PCDH11X: variants seen among roughly 807,000 people sequenced by gnomAD.
The protein encoded by PCDH11X is protocadherin-11 X-linked.
PCDH11X carries 18 observed loss-of-function variants against 53.3 expected under a neutral mutation model. The observed-to-expected ratio is 0.34, with a 90% CI of 0.23 to 0.50. The LOEUF (loss-of-function observed/expected upper bound fraction) is 0.50, where lower values mean the gene tolerates loss of function less well. Ranked by LOEUF, PCDH11X falls within the 20% of genes least tolerant of loss-of-function variation. The pLI is 0.98. For missense variants in PCDH11X, 570 were observed against 1,032.4 expected, an observed-to-expected ratio of 0.55 and a Z score of 6.14; for synonymous variants, 279 against 393.3, an observed-to-expected ratio of 0.71 and a Z score of 3.44.
intron 7 of PCDH11X, among the ~76,000 whole-genome samples, chrX:92,225,847 A>C (rs1325286521): frequency 1.8e-5 from 2 of 111,891 alleles, no homozygotes; most frequent in Non-Finnish European, 3.8e-5. Flanking sequence ...AGTATGTCCT[A>C]ATCAACAGAG....
intron 1 of PCDH11X, among the ~76,000 whole-genome samples, chrX:91,804,636 T>C (rs1936038038): frequency 9.0e-6 from 1 of 110,898 alleles, no homozygotes; most frequent in African/African-American, 3.3e-5. Flanking sequence ...GAGGGTATAG[T>C]TCAAAGTGTA....
chrX:92,329,193 T>C (rs2069405257), intron 8 of PCDH11X, among the ~76,000 whole-genome samples: 1 of 111,654 alleles, frequency 9.0e-6, no homozygotes, highest in Admixed American at 9.6e-5. Context: ...ATCATATAAG[T>C]ATCTCAATAG....
intron 10 of PCDH11X, among the ~76,000 whole-genome samples, chrX:92,476,267 C>T (rs1323320036): frequency 8.9e-6 from 1 of 111,826 alleles, no homozygotes; most frequent in African/African-American, 3.3e-5. Flanking sequence ...ACTTCTGTTA[C>T]CTTGTAAGTT....
In PCDH11X at chrX:92,506,216, C is replaced by CTTTTTTT. The variant is rs1180678297; in HGVS notation, c.3367+37910_3367+37916dup. Reference sequence around the variant, plus strand: ...ATTTGGATACATTTTCTTTTCTTTTCTTTTTTTTTTTTTTTTTTTTTTGCC... The same window carrying CTTTTTTT: ...ATTTGGATACATTTTCTTTTCTTTTCTTTTTTTTTTTTTTTTTTTTTTTTTTTTTGCC... On this transcript the variant is annotated intron_variant, in intron 10 of 10. Coordinates refer to ENST00000682573, the MANE Select transcript of PCDH11X (RefSeq NM_032968.5). 3.8e-3 allele frequency among the ~76,000 whole-genome samples: 154 copies of CTTTTTTT among 40,177 alleles called. 1 individual carries two copies. Among genetic ancestry groups the CTTTTTTT allele is most frequent in the Middle Eastern group, 0.026 (1 of 38 alleles). 34.9% of individuals were successfully genotyped at this position (40,177 alleles called of 115,157 possible). A position where few individuals can be genotyped will look rare whatever the true frequency, so the allele number is the denominator to read the frequency against.
At chrX:92,135,021 T>C (rs2065060928) in intron 6 of PCDH11X, among the ~76,000 whole-genome samples, 1 of 110,392 alleles carries the variant, frequency 9.1e-6, no homozygotes, top group African/African-American at 3.3e-5. Flanking sequence ...ATGGAGTTGC[T>C]CAGGTTCAAA....
At chrX:92,546,971 G>T (rs776251187) in intron 10 of PCDH11X, among the ~76,000 whole-genome samples, 1 of 110,724 alleles carries the variant, frequency 9.0e-6, no homozygotes, top group Non-Finnish European at 1.9e-5. Context: ...TTTGCAACAC[G>T]CCTTAGCACA....
At chrX:91,936,590 A>C in intron 6 of PCDH11X, among the ~76,000 whole-genome samples, 1 of 106,412 alleles carries the variant, frequency 9.4e-6, no homozygotes, top group East Asian at 2.9e-4. Flanking sequence ...TATAGTTGAG[A>C]ATGGTTCCTT....
intron 10 of PCDH11X, among the ~76,000 whole-genome samples, chrX:92,481,676 TCTC>T (rs1206108908): frequency 9.0e-6 from 1 of 111,395 alleles, no homozygotes; most frequent in African/African-American, 3.3e-5. Flanking sequence ...AGGGATAAAT[TCTC>T]CTATTAGAGC....
At chrX:92,385,798 G>T (rs999091078) in intron 8 of PCDH11X, among the ~76,000 whole-genome samples, 1 of 111,231 alleles carries the variant, frequency 9.0e-6, no homozygotes, top group Non-Finnish European at 1.9e-5. Context: ...TTCCAACCTA[G>T]ATGACAGAAT....
At chrX:92,148,173 C>CTTCTTTCTTTCTTTCTTTCTTTCT (rs1260262520) in intron 6 of PCDH11X, among the ~76,000 whole-genome samples, 2 of 8,385 alleles carry the variant, frequency 2.4e-4, no homozygotes, top group African/African-American at 4.4e-4. Flanking sequence ...TCCTTCCTTC[C>CTTCTTTCTTTCTTTCTTTCTTTCT]TTCTTTCTTT....
chrX:92,165,187 T>C (rs1403474593), intron 6 of PCDH11X, among the ~76,000 whole-genome samples: 1 of 112,029 alleles, frequency 8.9e-6, no homozygotes, highest in Non-Finnish European at 1.9e-5. Context: ...GTATCATAAA[T>C]AGAGTTTAAA....
At chrX:92,087,382 G>A (rs1408608941) in intron 6 of PCDH11X, among the ~76,000 whole-genome samples, 1 of 109,289 alleles carries the variant, frequency 9.2e-6, no homozygotes, top group Non-Finnish European at 1.9e-5. Flanking sequence ...GTGAGCCACC[G>A]TGCCTGGCTC....
At chrX:92,002,887 C>G (rs1164760074) in intron 6 of PCDH11X, among the ~76,000 whole-genome samples, 1 of 105,986 alleles carries the variant, frequency 9.4e-6, no homozygotes, top group East Asian at 3.0e-4. Flanking sequence ...TTATATTTTT[C>G]TTATGGCTCA....
intron 8 of PCDH11X, among the ~76,000 whole-genome samples, chrX:92,276,096 G>C (rs188755839): frequency 9.1e-6 from 1 of 109,854 alleles, no homozygotes. Context: ...AAAGAGTATT[G>C]TCTCAGTTGG....
At chrX:92,281,112 C>CCTGAG (rs2068242665) in intron 8 of PCDH11X, among the ~76,000 whole-genome samples, 2 of 111,279 alleles carry the variant, frequency 1.8e-5, no homozygotes, top group South Asian at 7.6e-4. Flanking sequence ...TTGAACTAAA[C>CCTGAG]AGACTAACAT....
chrX:92,361,949 G>A (rs1012515678), intron 8 of PCDH11X, among the ~76,000 whole-genome samples: 5 of 111,346 alleles, frequency 4.5e-5, no homozygotes, highest in Non-Finnish European at 7.6e-5. Context: ...ATTTAACTTA[G>A]CATAATATTC....
chrX:92,587,516 A>C (rs1471731058), intron 10 of PCDH11X, among the ~76,000 whole-genome samples: 2 of 110,060 alleles, frequency 1.8e-5, no homozygotes, highest in Admixed American at 9.7e-5. Context: ...GGTTAAAAAC[A>C]TATAAGCATT....
At chrX:91,975,613 A>C (rs1423667298) in intron 6 of PCDH11X, among the ~76,000 whole-genome samples, 1 of 110,810 alleles carries the variant, frequency 9.0e-6, no homozygotes, top group East Asian at 2.9e-4. Context: ...ATCTAGGAGA[A>C]GGGAAGAAAC....
chrX:92,106,379 A>T (rs2759992), intron 6 of PCDH11X, among the ~76,000 whole-genome samples: 1 of 110,665 alleles, frequency 9.0e-6, no homozygotes, highest in Non-Finnish European at 1.9e-5. Context: ...TTACTCAGAC[A>T]TTTTGTTCTT....
Sources: gnomAD v4.1 joint callset for allele counts (sites outside exome capture counted in the v4.1 genomes callset) on GRCh38, gnomAD v4.1.1 for gene constraint, MANE v1.5 for transcripts, NCBI Gene and HGNC (gene_info 2026-07-23, HGNC 2026-07-21) for gene names.